PTER: variants seen among roughly 807,000 people sequenced by gnomAD.
PTER encodes N-acetyltaurine hydrolase.
PTER carries 38 observed loss-of-function variants against 29.6 expected under a neutral mutation model. That is an observed-to-expected ratio of 1.28 (90% confidence interval 0.99 to 1.68). PTER has a LOEUF of 1.68. PTER is among the 40% of genes most tolerant of loss of function. The pLI is 0.00. For missense variants in PTER, 482 were observed against 427.8 expected (o/e 1.13, Z -1.12); for synonymous variants, 172 against 154.5 (o/e 1.11, Z -0.84).
rs1554787517 is a variant in PTER at position 16,456,863 on chromosome 10, G to GGGGGC, written c.-49+19820_-49+19821insCGGGG. Among the ~76,000 whole-genome samples, 459 of 49,928 alleles carry GGGGGC rather than the reference G, an allele frequency of 9.2e-3. 11 individuals carry two copies. Among genetic ancestry groups the GGGGGC allele is most frequent in the Middle Eastern group, 0.014 (1 of 74 alleles). 32.8% of individuals were successfully genotyped at this position (49,928 alleles called of 152,430 possible). On this transcript the variant is annotated intron_variant, in intron 1 of 4. Transcript: ENST00000535784. Reference sequence around the variant, plus strand: ...GAGGTAACTGAACCATGGGGAAGGTGGGGGGGGGTTCCGCCATGCTGTTCT... The same window carrying GGGGGC: ...GAGGTAACTGAACCATGGGGAAGGTGGGGGCGGGGGGGGTTCCGCCATGCTGTTCT...
Position 16,484,557 on chromosome 10 carries a change from A to G in PTER, c.173A>G (p.Tyr58Cys), listed in dbSNP as rs1241976137. The G allele has an allele frequency of 1.9e-6, 3 of 1,614,092 alleles. No homozygotes were observed. Among genetic ancestry groups the G allele is most frequent in the African/African-American group, 1.3e-5 (1 of 75,022 alleles). ...GAACCTATCGTGATGAAAAATTTAT[A>G]TTGGATTCAGAAAAACGCCTATTCC... is the stretch of plus-strand genomic sequence containing the variant. Reference protein sequence around the residue: ...SKEPIVMKNLYWIQKNAYSHK... With the variant: ...SKEPIVMKNLCWIQKNAYSHK... The change falls in exon 2 of 5, where the codon TAT becomes TGT. Residue 58 changes from tyrosine to cysteine, a missense_variant. Coordinates refer to ENST00000535784, the MANE Select transcript of PTER (RefSeq NM_001261836.2).
At chr10:16,447,066 G>A (rs973083920) in intron 1 of PTER, among the ~76,000 whole-genome samples, 1 of 151,640 alleles carries the variant, frequency 6.6e-6, no homozygotes, top group African/African-American at 2.4e-5. Context: ...TGGAATTACA[G>A]GTATGAGATA....
At chr10:16,469,124 T>A (rs1392351515) in intron 1 of PTER, among the ~76,000 whole-genome samples, 1 of 151,890 alleles carries the variant, frequency 6.6e-6, no homozygotes, top group East Asian at 1.9e-4. Context: ...TTAGGAAGAG[T>A]GCTGAAGGCC....
chr10:16,449,764 T>C (rs1271164364), intron 1 of PTER, among the ~76,000 whole-genome samples: 1 of 152,158 alleles, frequency 6.6e-6, no homozygotes, highest in Non-Finnish European at 1.5e-5. Flanking sequence ...GTGAAGGACA[T>C]ATCTTCTGGG....
intron 1 of PTER, among the ~76,000 whole-genome samples, chr10:16,478,468 G>C (rs1835360954): frequency 6.6e-6 from 1 of 151,816 alleles, no homozygotes; most frequent in African/African-American, 2.4e-5. Flanking sequence ...TGAGTAGCTG[G>C]TATTACAGGT....
At chr10:16,487,850 A>G (rs1279043530) in intron 3 of PTER, among the ~76,000 whole-genome samples, 1 of 152,182 alleles carries the variant, frequency 6.6e-6, no homozygotes, top group African/African-American at 2.4e-5. Flanking sequence ...TGATTATCAG[A>G]CCAGACAGAT....
chr10:16,483,189 A>G (rs1411495451), intron 1 of PTER, among the ~76,000 whole-genome samples: 1 of 152,248 alleles, frequency 6.6e-6, no homozygotes. Flanking sequence ...TGAACACTTA[A>G]TTTGTGCTAC....
At chr10:16,501,886 G>A (rs887119510) in intron 3 of PTER, among the ~76,000 whole-genome samples, 4 of 152,172 alleles carry the variant, frequency 2.6e-5, no homozygotes, top group Admixed American at 6.5e-5. Flanking sequence ...GGATCATGGA[G>A]GGTATTAAAT....
chr10:16,505,027 C>A lies in PTER; in HGVS notation c.706C>A (p.Leu236Ile). 3.1e-6 allele frequency: 5 copies of A among 1,613,814 alleles called. No homozygotes were observed. Among genetic ancestry groups the A allele is most frequent in the Non-Finnish European group, 4.2e-6 (5 of 1,179,856 alleles). ...TVMSHLDRTI[L>I]DKKELLEFAQ... The stretch of plus-strand genomic sequence containing the variant: ...CTGTCGCATTGTTTCTAGGACTATT[C>A]TTGATAAGAAAGAGCTCTTGGAGTT... The change falls in exon 4 of 5, where the codon CTT (leucine) becomes ATT (isoleucine). Residue 236 changes from leucine to isoleucine, a missense_variant. Coordinates refer to ENST00000535784, the MANE Select transcript of PTER (RefSeq NM_001261836.2).
chr10:16,517,530 C>T (rs896325711), downstream of PTER, among the ~76,000 whole-genome samples: 5 of 152,220 alleles, frequency 3.3e-5, no homozygotes, highest in East Asian at 9.6e-4. Flanking sequence ...ATGTTTTCTG[C>T]TAAAAGGATT....
the PTER span, among the ~76,000 whole-genome samples, chr10:16,518,887 T>G: frequency 6.6e-6 from 1 of 152,088 alleles, no homozygotes; most frequent in Non-Finnish European, 1.5e-5. Flanking sequence ...ATTCAATAGC[T>G]CCATTCTGGT....
Position 16,494,885 on chromosome 10 carries a change from C to G in PTER, c.698+8268C>G, listed in dbSNP as rs558490746. ...CTGTCATTAGCAGTGTAAGAATATA[C>G]ATGAATAATGTTTTAAAATTATGTT... On this transcript the variant is annotated intron_variant, in intron 3 of 4. Coordinates refer to ENST00000535784, the MANE Select transcript of PTER (RefSeq NM_001261836.2). Among the ~76,000 whole-genome samples the G allele has an allele frequency of 1.3e-3, 200 of 152,186 alleles. 1 individual carries two copies. The highest frequency in any genetic ancestry group is 4.3e-3 in the African/African-American group (178 of 41,516).
At chr10:16,468,187 C>A (rs1260102493) in intron 1 of PTER, among the ~76,000 whole-genome samples, 3 of 152,146 alleles carry the variant, frequency 2.0e-5, no homozygotes, top group Non-Finnish European at 4.4e-5. Flanking sequence ...ACTAAAAATA[C>A]AAAAATTAGC....
intron 3 of PTER, among the ~76,000 whole-genome samples, chr10:16,499,715 A>T (rs1836259753): frequency 6.6e-6 from 1 of 152,182 alleles, no homozygotes; most frequent in South Asian, 2.1e-4. Context: ...AAGTGCTGGG[A>T]TTACAAGCAT....
intron 3 of PTER, among the ~76,000 whole-genome samples, chr10:16,501,369 A>G (rs1243594961): frequency 2.5e-5 from 1 of 40,718 alleles, no homozygotes; most frequent in African/African-American, 1.1e-4. Flanking sequence ...ACACACACAC[A>G]TGCACACACA....
intron 1 of PTER, among the ~76,000 whole-genome samples, chr10:16,447,042 G>T (rs1834038164): frequency 6.6e-6 from 1 of 151,798 alleles, no homozygotes; most frequent in Non-Finnish European, 1.5e-5. Context: ...GCCTCCCTTG[G>T]CTTCCCAAAG....
intron 4 of PTER, among the ~76,000 whole-genome samples, chr10:16,506,730 C>G (rs938155573): frequency 6.6e-6 from 1 of 151,816 alleles, no homozygotes; most frequent in Non-Finnish European, 1.5e-5. Context: ...CACATGTCCT[C>G]TAGTGTCTCT....
At chr10:16,475,268 T>G (rs1035293033) in intron 1 of PTER, among the ~76,000 whole-genome samples, 6 of 152,188 alleles carry the variant, frequency 3.9e-5, no homozygotes, top group Non-Finnish European at 8.8e-5. Flanking sequence ...TTGGTCAGAT[T>G]CTGCCAGTTG....
chr10:16,446,430 G>C (rs988223380), intron 1 of PTER, among the ~76,000 whole-genome samples: 1 of 152,038 alleles, frequency 6.6e-6, no homozygotes, highest in African/African-American at 2.4e-5. Context: ...ATGTTGATCA[G>C]GCTGGTGCAG....
Sources: gnomAD v4.1 joint callset for allele counts (sites outside exome capture counted in the v4.1 genomes callset) on GRCh38, gnomAD v4.1.1 for gene constraint, MANE v1.5 for transcripts, NCBI Gene and HGNC (gene_info 2026-07-23, HGNC 2026-07-21) for gene names.